The following AUTS2 variants were observed in gnomAD, a reference collection of about 807,000 sequenced individuals.
The protein encoded by AUTS2 is activator of transcription and developmental regulator AUTS2.
Under a neutral mutation model 112.4 loss-of-function variants are expected in AUTS2, and 17 were observed. That is an observed-to-expected ratio of 0.15 (90% CI 0.10 to 0.23). The LOEUF (loss-of-function observed/expected upper bound fraction) is 0.23, where lower values mean the gene tolerates loss of function less well. Ranked by LOEUF, AUTS2 falls within the 10% of genes least tolerant of loss-of-function variation. The pLI, the probability that AUTS2 is intolerant of heterozygous loss-of-function variation, is 1.00. For missense variants in AUTS2, 1,510 were observed against 1,701.6 expected (o/e 0.89, Z 1.98); for synonymous variants, 751 against 702.7 (o/e 1.07, Z -1.09).
chr7:69,907,223 C>A (rs1363806107), intron 2 of AUTS2, among the ~76,000 whole-genome samples: 1 of 152,148 alleles, frequency 6.6e-6, no homozygotes, highest in Non-Finnish European at 1.5e-5. Context: ...TAAATGTATA[C>A]AACTGTGTGA....
chr7:70,428,746 G>A (rs1263583814), intron 4 of AUTS2, among the ~76,000 whole-genome samples: 1 of 152,156 alleles, frequency 6.6e-6, no homozygotes, highest in Non-Finnish European at 1.5e-5. Context: ...AGAATAGAGA[G>A]CAATGCCCTC....
chr7:70,293,522 A>C (rs1247774495), intron 4 of AUTS2: 2 of 152,228 alleles, frequency 1.3e-5, no homozygotes, highest in African/African-American at 2.4e-5. Flanking sequence ...TTCTGTCATC[A>C]TGCCTGAAAT....
chr7:69,603,263 G>A (rs1275860366), intron 1 of AUTS2, among the ~76,000 whole-genome samples: 1 of 152,148 alleles, frequency 6.6e-6, no homozygotes, highest in Non-Finnish European at 1.5e-5. Context: ...TACTTTGTGT[G>A]TTAATGGACA....
intron 2 of AUTS2, among the ~76,000 whole-genome samples, chr7:70,053,055 T>G (rs1054624008): frequency 1.3e-5 from 2 of 152,216 alleles, no homozygotes; most frequent in Non-Finnish European, 1.5e-5. Flanking sequence ...TCAAGGGATA[T>G]AAAGATTGCT....
chr7:70,205,271 C>G (rs932103730), intron 4 of AUTS2, among the ~76,000 whole-genome samples: 1 of 152,080 alleles, frequency 6.6e-6, no homozygotes, highest in Non-Finnish European at 1.5e-5. Flanking sequence ...TGGTCTTGAA[C>G]TCTTAGCCTC....
At chr7:70,375,990 GA>G (rs1793067018) in intron 4 of AUTS2, among the ~76,000 whole-genome samples, 1 of 151,172 alleles carries the variant, frequency 6.6e-6, no homozygotes, top group Admixed American at 6.6e-5. Context: ...TGGGAGGTGA[GA>G]ACGGAGGAGT....
At chr7:69,631,011 T>C (rs962547872) in intron 1 of AUTS2, among the ~76,000 whole-genome samples, 2 of 152,144 alleles carry the variant, frequency 1.3e-5, no homozygotes, top group Non-Finnish European at 2.9e-5. Context: ...TGATTACCTA[T>C]AGGGCATTGG....
At chr7:70,091,402 T>C (rs573532757) in intron 2 of AUTS2, among the ~76,000 whole-genome samples, 2 of 152,366 alleles carry the variant, frequency 1.3e-5, no homozygotes, top group South Asian at 4.1e-4. Context: ...AGGACTATTC[T>C]GATTCTCCTC....
chr7:70,106,074 G>A (rs1168560955), intron 2 of AUTS2, among the ~76,000 whole-genome samples: 1 of 152,110 alleles, frequency 6.6e-6, no homozygotes, highest in African/African-American at 2.4e-5. Flanking sequence ...TACCTCACTT[G>A]CCCCTCAATC....
At chr7:70,589,924 A>G (rs1585341990) in intron 5 of AUTS2, among the ~76,000 whole-genome samples, 1 of 151,098 alleles carries the variant, frequency 6.6e-6, no homozygotes, top group Admixed American at 6.6e-5. Flanking sequence ...CCACTCAAAC[A>G]CTCCTGCCAT....
intron 2 of AUTS2, among the ~76,000 whole-genome samples, chr7:69,982,189 G>A (rs1798323529): frequency 6.6e-6 from 1 of 152,116 alleles, no homozygotes; most frequent in African/African-American, 2.4e-5. Flanking sequence ...GGGTTTATAA[G>A]CTGCTGAGTG....
At chr7:69,755,834 A>C (rs1448200171) in intron 1 of AUTS2, among the ~76,000 whole-genome samples, 2 of 151,964 alleles carry the variant, frequency 1.3e-5, no homozygotes, top group African/African-American at 4.8e-5. Flanking sequence ...TTGTGGTAGG[A>C]GCTAGAGGAA....
intron 5 of AUTS2, among the ~76,000 whole-genome samples, chr7:70,662,502 C>T (rs757393163): frequency 2.6e-5 from 4 of 152,094 alleles, no homozygotes; most frequent in Non-Finnish European, 5.9e-5. Context: ...AGTGTTCAAG[C>T]GAGAGTTGTA....
intron 6 of AUTS2, among the ~76,000 whole-genome samples, chr7:70,713,037 C>A (rs1417720264): frequency 1.3e-5 from 2 of 152,206 alleles, no homozygotes; most frequent in African/African-American, 4.8e-5. Context: ...TAGCGTGGTT[C>A]TGACAGATGC....
intron 4 of AUTS2, among the ~76,000 whole-genome samples, chr7:70,240,355 G>T (rs1260073867): frequency 6.6e-6 from 1 of 152,152 alleles, no homozygotes; most frequent in Non-Finnish European, 1.5e-5. Context: ...TTTCTTGATT[G>T]TAAAATGGTG....
chr7:70,737,013 T>G lies in AUTS2; in HGVS notation c.743-25857T>G, dbSNP rs1787817007. 2.6e-5 allele frequency among the ~76,000 whole-genome samples: 4 copies of G among 152,338 alleles called. 1 individual carries two copies. The South Asian group carries it at 8.3e-4, about 32-fold the overall frequency. On this transcript the variant is annotated intron_variant, in intron 6 of 18. Coordinates refer to ENST00000342771, the MANE Select transcript of AUTS2 (RefSeq NM_015570.4). Reference sequence around the variant, plus strand: ...CATTTCCCTCATAACAGTCTCCCCATTAGTCAAAAGTTTTACTCTCAAGTG... The same window carrying G: ...CATTTCCCTCATAACAGTCTCCCCAGTAGTCAAAAGTTTTACTCTCAAGTG...
chr7:70,417,647 G>C (rs1795042476), intron 4 of AUTS2, among the ~76,000 whole-genome samples: 1 of 152,202 alleles, frequency 6.6e-6, no homozygotes. Flanking sequence ...CTCCAAATGG[G>C]AGACAGGCGT....
Position 70,585,880 on chromosome 7 carries a change from T to TATTTTG in AUTS2, c.691-112689_691-112688insATTTTG, listed in dbSNP as rs1159452278. Among the ~76,000 whole-genome samples, 636 of 151,348 alleles carry TATTTTG rather than the reference T, an allele frequency of 4.2e-3. 6 individuals are homozygous for TATTTTG. The highest frequency in any genetic ancestry group is 0.018 in the East Asian group (94 of 5,122). On this transcript the variant is annotated intron_variant, in intron 5 of 18. Transcript: ENST00000342771. ...TTTATGTATGTATATATGTATGTTT[T>TATTTTG]GAGACAGTGTCTTGCTCTGTCGCCC...
intron 2 of AUTS2, among the ~76,000 whole-genome samples, chr7:69,992,338 G>A (rs1424639853): frequency 1.3e-5 from 2 of 152,170 alleles, no homozygotes; most frequent in Non-Finnish European, 2.9e-5. Context: ...ATAAAGATAA[G>A]CATATCCTTC....
Sources: gnomAD v4.1 joint callset for allele counts (sites outside exome capture counted in the v4.1 genomes callset) on GRCh38, gnomAD v4.1.1 for gene constraint, MANE v1.5 for transcripts, NCBI Gene and HGNC (gene_info 2026-07-23, HGNC 2026-07-21) for gene names.